RETREG1: variants seen among roughly 807,000 people sequenced by gnomAD.
RETREG1 encodes the protein reticulophagy regulator 1.
RETREG1 carries 44 observed loss-of-function variants against 54.8 expected under a neutral mutation model. That is an observed-to-expected ratio of 0.80 (90% CI 0.63 to 1.03). The LOEUF (loss-of-function observed/expected upper bound fraction) is 1.03, where lower values mean the gene tolerates loss of function less well. Ranked by LOEUF, RETREG1 falls within the 50% of genes least tolerant of loss-of-function variation. The pLI, the probability that RETREG1 is intolerant of heterozygous loss-of-function variation, is 0.00. For missense variants in RETREG1, 554 were observed against 605.1 expected, an observed-to-expected ratio of 0.92 and a Z score of 0.89; for synonymous variants, 217 against 238.5, an observed-to-expected ratio of 0.91 and a Z score of 0.83.
intron 3 of RETREG1, among the ~76,000 whole-genome samples, chr5:16,551,666 C>A (rs912848548): frequency 6.6e-6 from 1 of 152,136 alleles, no homozygotes; most frequent in African/African-American, 2.4e-5. Context: ...GGAAAAACTG[C>A]CCTCTACATT....
intron 3 of RETREG1, among the ~76,000 whole-genome samples, chr5:16,513,497 G>T (rs1579632202): frequency 6.6e-6 from 1 of 152,292 alleles, no homozygotes; most frequent in East Asian, 1.9e-4. Context: ...CCCAATATGT[G>T]CCTTTATTTA....
intron 3 of RETREG1, among the ~76,000 whole-genome samples, chr5:16,547,288 C>A (rs1221988928): frequency 6.6e-6 from 1 of 152,170 alleles, no homozygotes; most frequent in Non-Finnish European, 1.5e-5. Flanking sequence ...ACAAATATCA[C>A]AAGAAATTCA....
intron 3 of RETREG1, among the ~76,000 whole-genome samples, chr5:16,537,277 C>G (rs750081242): frequency 9.9e-5 from 15 of 152,162 alleles, no homozygotes; most frequent in Non-Finnish European, 1.6e-4. Context: ...AGGCCAGGTA[C>G]CTGTTTAGAA....
intron 3 of RETREG1, among the ~76,000 whole-genome samples, chr5:16,553,654 C>CA (rs1239312190): frequency 6.6e-6 from 1 of 151,914 alleles, no homozygotes; most frequent in Non-Finnish European, 1.5e-5. Context: ...ATGAGGAGCA[C>CA]AAACTTCAGG....
chr5:16,518,376 G>A (rs955911380), intron 3 of RETREG1, among the ~76,000 whole-genome samples: 1 of 151,158 alleles, frequency 6.6e-6, no homozygotes, highest in Non-Finnish European at 1.5e-5. Context: ...GAGGGGGAGA[G>A]GATGGGTGAA....
At chr5:16,535,813 G>A (rs1337176611) in intron 3 of RETREG1, among the ~76,000 whole-genome samples, 2 of 130,202 alleles carry the variant, frequency 1.5e-5, no homozygotes, top group African/African-American at 3.1e-5. Context: ...CTGTGTGCAC[G>A]CTGCCTTCAC....
chr5:16,522,409 C>G (rs1323039792), intron 3 of RETREG1, among the ~76,000 whole-genome samples: 1 of 152,142 alleles, frequency 6.6e-6, no homozygotes, highest in Non-Finnish European at 1.5e-5. Flanking sequence ...CAGGCCACCT[C>G]AGGATTCCAA....
At chr5:16,496,634 G>A (rs1739470135) in intron 3 of RETREG1, among the ~76,000 whole-genome samples, 1 of 152,126 alleles carries the variant, frequency 6.6e-6, no homozygotes. Flanking sequence ...AAAAAGAAAG[G>A]GAAGCTGGGT....
intron 1 of RETREG1, among the ~76,000 whole-genome samples, chr5:16,607,267 T>A (rs1462654965): frequency 6.6e-6 from 1 of 152,110 alleles, no homozygotes; most frequent in Non-Finnish European, 1.5e-5. Flanking sequence ...AGAACAGGGA[T>A]CTCACCTGTT....
chr5:16,514,652 C>T (rs1740287309), intron 3 of RETREG1, among the ~76,000 whole-genome samples: 2 of 151,770 alleles, frequency 1.3e-5, no homozygotes, highest in Non-Finnish European at 2.9e-5. Context: ...TTATACGGTA[C>T]CCAGTGTGCA....
At chr5:16,608,364 T>G (rs189884590) in intron 1 of RETREG1, among the ~76,000 whole-genome samples, 157 of 152,330 alleles carry the variant, frequency 1.0e-3, no homozygotes, top group African/African-American at 3.5e-3. Context: ...AGTCTCTCCA[T>G]CCTGACAACA....
At chr5:16,537,835 G>A (rs982987579) in intron 3 of RETREG1, among the ~76,000 whole-genome samples, 3 of 152,090 alleles carry the variant, frequency 2.0e-5, no homozygotes, top group Non-Finnish European at 4.4e-5. Context: ...ACCCACAGGC[G>A]AACAGTGGCA....
At chr5:16,528,478 G>A (rs77838115) in intron 3 of RETREG1, among the ~76,000 whole-genome samples, 59 of 152,230 alleles carry the variant, frequency 3.9e-4, no homozygotes, top group Non-Finnish European at 7.6e-4. Flanking sequence ...CCACCTGCCT[G>A]GGACAGGAGT....
intron 3 of RETREG1, among the ~76,000 whole-genome samples, chr5:16,538,210 T>C (rs1741131411): frequency 6.6e-6 from 1 of 152,058 alleles, no homozygotes; most frequent in South Asian, 2.1e-4. Flanking sequence ...TGGCTCCGAC[T>C]CTGAAGACCA....
chr5:16,594,268 A>G lies in RETREG1; in HGVS notation c.321-22166T>C, dbSNP rs1226089964. Among the ~76,000 whole-genome samples the G allele has an allele frequency of 2.6e-5, 4 of 152,236 alleles. No homozygotes were observed. The highest frequency in any genetic ancestry group is 6.5e-5 in the Admixed American group (1 of 15,292). ...CGATTAAGAATCAAAATTTCTCCTG[A>G]TGCCCAACTTTCATTTTGATAAATG... On this transcript the variant is annotated intron_variant, in intron 1 of 8. Coordinates refer to ENST00000306320, the MANE Select transcript of RETREG1 (RefSeq NM_001034850.3). This position sits in a 1 kb window ranked among gnomAD's most constrained non-coding sequence, Gnocchi z 4.4.
chr5:16,613,932 T>G (rs1287199955), intron 1 of RETREG1, among the ~76,000 whole-genome samples: 2 of 152,182 alleles, frequency 1.3e-5, no homozygotes, highest in African/African-American at 4.8e-5. Flanking sequence ...AAAATTTTAA[T>G]GACATTAATA....
At chr5:16,575,669 C>A (rs992328702) in intron 1 of RETREG1, among the ~76,000 whole-genome samples, 1 of 152,220 alleles carries the variant, frequency 6.6e-6, no homozygotes, top group African/African-American at 2.4e-5. Context: ...TGGGCAAGGG[C>A]CCAGTTGGCA....
rs761759311 is a variant in RETREG1 at position 16,616,765 on chromosome 5, G to A, written c.207C>T (p.Thr69=). The change falls in exon 1 of 9, where the codon ACC becomes ACT. Residue 69 remains threonine (T), a synonymous_variant. Transcript: ENST00000306320. Reference sequence around the variant, plus strand: ...ACAGCACCGGCTCCCCGAGCAGCCAGGTTACCGCGGCCGCCGCCCGGCCCG... The same window carrying A: ...ACAGCACCGGCTCCCCGAGCAGCCAAGTTACCGCGGCCGCCGCCCGGCCCG... ...EAAGRAAAAV[T]WLLGEPVLWL... The A allele has an allele frequency of 1.9e-6, 3 of 1,551,432 alleles. No individual in the cohort carries two copies. The African/African-American group carries it at 4.1e-5, about 21-fold the overall frequency.
chr5:16,475,261 A>T (rs781258934), intron 8 of RETREG1, 27 bp from the exon 9 acceptor site: 7 of 1,606,480 alleles, frequency 4.4e-6, no homozygotes, highest in African/African-American at 1.3e-5. Flanking sequence ...AGAAGTTCAG[A>T]CTGAAGCACC....
Sources: allele counts gnomAD v4.1 joint callset (sites outside exome capture counted in the v4.1 genomes callset), GRCh38; gene constraint gnomAD v4.1.1; non-coding constraint Gnocchi (gnomAD v3.1); transcripts MANE v1.5; gene names NCBI Gene and HGNC (gene_info 2026-07-23, HGNC 2026-07-21).